The following CEP89 variants were observed in gnomAD, a reference collection of about 807,000 sequenced individuals.
CEP89 encodes the protein centrosomal protein 89.
In CEP89, 95 loss-of-function variants were observed where a neutral mutation model predicts 97.6. That is an observed-to-expected ratio of 0.97 (90% confidence interval 0.82 to 1.15). The LOEUF (loss-of-function observed/expected upper bound fraction) is 1.15, where lower values mean the gene tolerates loss of function less well. Ranked by LOEUF, CEP89 falls within the 50% of genes most tolerant of loss-of-function variation. The probability of loss-of-function intolerance (pLI) is 0.00; values close to 1 mark genes in which losing one functional copy is unlikely to be tolerated. For synonymous variants in CEP89, 354 were observed against 349.1 expected, an observed-to-expected ratio of 1.01 and a Z score of -0.16; for missense variants, 869 against 947.7, an observed-to-expected ratio of 0.92 and a Z score of 1.09.
intron 18 of CEP89, among the ~76,000 whole-genome samples, chr19:32,881,467 T>G (rs1415776125): frequency 6.7e-6 from 1 of 149,410 alleles, no homozygotes; most frequent in Non-Finnish European, 1.5e-5. Flanking sequence ...GAGGCGGAGG[T>G]TGCAGTGAGC....
chr19:32,899,804 C>A, intron 16 of CEP89, 53 bp downstream of exon 16: 1 of 1,528,090 alleles, frequency 6.5e-7, no homozygotes, highest in South Asian at 1.2e-5. Context: ...CTCTTAAAAT[C>A]ACATTTGCAT....
intron 6 of CEP89, among the ~76,000 whole-genome samples, chr19:32,939,447 T>C (rs891369065): frequency 2.0e-5 from 3 of 152,030 alleles, no homozygotes; most frequent in African/African-American, 7.2e-5. Context: ...GAGGTCGAGA[T>C]GGGCAGATCA....
intron 3 of CEP89, among the ~76,000 whole-genome samples, chr19:32,957,721 A>G (rs1971078281): frequency 6.6e-6 from 1 of 152,238 alleles, no homozygotes; most frequent in African/African-American, 2.4e-5. Context: ...GAGGCAGGAG[A>G]ATTGCTAGAA....
chr19:32,943,514 C>T (rs1451545530), intron 5 of CEP89, among the ~76,000 whole-genome samples: 1 of 152,018 alleles, frequency 6.6e-6, no homozygotes, highest in East Asian at 1.9e-4. Context: ...AATCCCAACA[C>T]TGCGGGAAGC....
chr19:32,911,769 T>C (rs997197993), intron 14 of CEP89, among the ~76,000 whole-genome samples: 1 of 152,200 alleles, frequency 6.6e-6, no homozygotes, highest in Admixed American at 6.5e-5. Context: ...TCACATGCAC[T>C]AGCTCATTTG....
At chr19:32,880,659 A>T (rs1208005258) in intron 18 of CEP89, among the ~76,000 whole-genome samples, 1 of 145,606 alleles carries the variant, frequency 6.9e-6, no homozygotes, top group Non-Finnish European at 1.6e-5. Flanking sequence ...AAAAAAAAAA[A>T]AATTCCCCAG....
intron 16 of CEP89, among the ~76,000 whole-genome samples, chr19:32,893,414 A>G (rs1368623852): frequency 6.6e-6 from 1 of 152,236 alleles, no homozygotes; most frequent in Non-Finnish European, 1.5e-5. Context: ...AAGGGGAGAT[A>G]GACTACAATA....
rs757707026 is a variant in CEP89, at chr19:32,937,678, G to T, written c.625-5C>A. 6.2e-7 allele frequency: 1 copy of T among 1,601,808 alleles called. No individual in the cohort carries two copies. The highest frequency in any genetic ancestry group is 8.5e-7 in the Non-Finnish European group (1 of 1,171,408). On this transcript the variant is annotated splice_region_variant and splice_polypyrimidine_tract_variant and intron_variant, in intron 6 of 18. Coordinates refer to ENST00000305768, the MANE Select transcript of CEP89 (RefSeq NM_032816.5). ...ACATAATGGAGGTTTTTCATCCTAG[G>T]AAAGAAAGAACATAAGAGGAATAAG... is the stretch of plus-strand genomic sequence containing the variant.
At chr19:32,897,996 A>G (rs1969679618) in intron 16 of CEP89, among the ~76,000 whole-genome samples, 1 of 152,228 alleles carries the variant, frequency 6.6e-6, no homozygotes, top group Non-Finnish European at 1.5e-5. Context: ...ACTAAAAACA[A>G]TTACCATATG....
At chr19:32,923,582 C>T (rs1468308670) in intron 11 of CEP89, 40 bp from the exon 12 acceptor site, 1 of 1,215,834 alleles carries the variant, frequency 8.2e-7, no homozygotes, top group Admixed American at 1.7e-5. Context: ...CACACATACC[C>T]ACGCATCTAT....
chr19:32,907,043 T>C (rs1031140840), intron 14 of CEP89, among the ~76,000 whole-genome samples: 1 of 152,060 alleles, frequency 6.6e-6, no homozygotes, highest in Non-Finnish European at 1.5e-5. Flanking sequence ...AATGAAACAC[T>C]TTTATTCCCT....
intron 16 of CEP89, among the ~76,000 whole-genome samples, chr19:32,891,519 A>G (rs1599713660): frequency 6.6e-6 from 1 of 152,228 alleles, no homozygotes; most frequent in East Asian, 1.9e-4. Flanking sequence ...TCCAACAACA[A>G]CAAAAAGAAA....
intron 17 of CEP89, among the ~76,000 whole-genome samples, 200 bp downstream of exon 17, chr19:32,887,552 T>C (rs976585503): frequency 2.6e-5 from 4 of 152,146 alleles, no homozygotes; most frequent in African/African-American, 9.7e-5. Flanking sequence ...TATGCAGTAT[T>C]TTATTGTGTG....
chr19:32,932,730 G>A (rs945361377), intron 8 of CEP89, among the ~76,000 whole-genome samples: 1 of 151,846 alleles, frequency 6.6e-6, no homozygotes, highest in Non-Finnish European at 1.5e-5. Flanking sequence ...CTTGAGGCCA[G>A]GAGTTTGAGA....
At chr19:32,938,843 G>A (rs545716675) in intron 6 of CEP89, among the ~76,000 whole-genome samples, 65 of 152,188 alleles carry the variant, frequency 4.3e-4, no homozygotes, top group Non-Finnish European at 9.3e-4. Context: ...CTAGCTACTC[G>A]GGAGGATGAG....
chr19:32,962,753 T>C (rs4805834), intron 2 of CEP89, among the ~76,000 whole-genome samples: 137,140 of 152,238 alleles, frequency 0.9, 61,963 homozygotes, highest in African/African-American at 0.98. Flanking sequence ...TACTATATAA[T>C]GAACCCTCAG....
At chr19:32,928,790 A>C (rs1970413316) in intron 9 of CEP89, among the ~76,000 whole-genome samples, 1 of 151,972 alleles carries the variant, frequency 6.6e-6, no homozygotes, top group Non-Finnish European at 1.5e-5. Flanking sequence ...TAGTCTCCTC[A>C]GCTTCCCCAG....
rs533057962 is a variant in CEP89 at position 32,925,890 on chromosome 19, G to C, written c.1164+300C>G. Among the ~76,000 whole-genome samples, 3 of 152,008 alleles carry C rather than the reference G, an allele frequency of 2.0e-5. No individual in the cohort carries two copies. The East Asian group carries it at 5.8e-4, about 29-fold the overall frequency. On this transcript the variant is annotated intron_variant, in intron 11 of 18. Transcript: ENST00000305768. The stretch of plus-strand genomic sequence containing the variant: ...GCACCCCAAGATCTCAGCCCATATG[G>C]GCTGGCTGTCCAGAAAGCCATGGCT...
At chr19:32,887,469 T>C (rs1474862666) in intron 17 of CEP89, among the ~76,000 whole-genome samples, 2 of 152,102 alleles carry the variant, frequency 1.3e-5, no homozygotes, top group Non-Finnish European at 1.5e-5. Flanking sequence ...TCCTCCTGGC[T>C]GGGCCTCCTG....
Sources: allele counts gnomAD v4.1 joint callset (sites outside exome capture counted in the v4.1 genomes callset), GRCh38; gene constraint gnomAD v4.1.1; transcripts MANE v1.5; gene names NCBI Gene and HGNC (gene_info 2026-07-23, HGNC 2026-07-21).